PLXNA2: variants seen among roughly 807,000 people sequenced by gnomAD.
PLXNA2 encodes the protein plexin A2.
PLXNA2 carries 91 observed loss-of-function variants against 193.5 expected under a neutral mutation model. That is an observed-to-expected ratio of 0.47 (90% CI 0.40 to 0.56). The LOEUF (loss-of-function observed/expected upper bound fraction) is 0.56. Ranked by LOEUF, PLXNA2 falls within the 20% of genes least tolerant of loss-of-function variation. PLXNA2 has a pLI of 0.00. For synonymous variants in PLXNA2, 997 were observed against 1,027.3 expected (o/e 0.97, Z 0.56); for missense variants, 1,995 against 2,503.2 (o/e 0.80, Z 4.33).
At chr1:208,187,404 G>A (rs1399474322) in intron 3 of PLXNA2, among the ~76,000 whole-genome samples, 1 of 152,194 alleles carries the variant, frequency 6.6e-6, no homozygotes, top group Non-Finnish European at 1.5e-5. Flanking sequence ...CTGTGTGTGT[G>A]AGAGAGACCG....
intron 3 of PLXNA2, among the ~76,000 whole-genome samples, chr1:208,199,864 C>A (rs923011496): frequency 6.6e-6 from 1 of 152,160 alleles, no homozygotes; most frequent in South Asian, 2.1e-4. Context: ...TAGAACAATA[C>A]GCATCTTACT....
At chr1:208,154,880 G>A (rs1438100946) in intron 3 of PLXNA2, among the ~76,000 whole-genome samples, 3 of 152,332 alleles carry the variant, frequency 2.0e-5, no homozygotes, top group African/African-American at 7.2e-5. Flanking sequence ...GGCAGCGGCG[G>A]GAACAAATGA....
In PLXNA2 at chr1:208,025,961, T is replaced by C. The variant is rs761387245; in HGVS notation, c.*1282A>G. 4.3e-4 allele frequency: 65 copies of C among 152,634 alleles called. No individual in the cohort carries two copies. Among genetic ancestry groups the C allele is most frequent in the Admixed American group, 3.2e-3 (49 of 15,276 alleles). 9.5% of individuals were successfully genotyped at this position (152,634 alleles called of 1,614,324 possible). ...AGGCCCAGATGGTCAGGAGCTTCCGTATATGAGCGAAGGGTGGTCTCCCCT... is the reference window on the plus strand; with the variant it reads ...AGGCCCAGATGGTCAGGAGCTTCCGCATATGAGCGAAGGGTGGTCTCCCCT... On this transcript the variant is annotated 3_prime_UTR_variant, in exon 32 of 32. Coordinates refer to ENST00000367033, the MANE Select transcript of PLXNA2 (RefSeq NM_025179.4).
chr1:208,087,489 A>G (rs934366344), intron 9 of PLXNA2, among the ~76,000 whole-genome samples: 20 of 152,052 alleles, frequency 1.3e-4, no homozygotes, highest in African/African-American at 4.4e-4. Flanking sequence ...AAGGGTAACA[A>G]TTAGGGTCTT....
At chr1:208,052,255 A>G (rs1665287814) in intron 15 of PLXNA2, 72 bp downstream of exon 15, 2 of 1,492,706 alleles carry the variant, frequency 1.3e-6, no homozygotes, top group Admixed American at 1.7e-5. Flanking sequence ...ATGAATGAAC[A>G]TGCACAGTAA....
chr1:208,166,337 G>C (rs186629499), intron 3 of PLXNA2, among the ~76,000 whole-genome samples: 17 of 152,334 alleles, frequency 1.1e-4, no homozygotes, highest in Admixed American at 9.1e-4. Context: ...GGTCTGCATT[G>C]CTGGAACCCT....
intron 1 of PLXNA2, among the ~76,000 whole-genome samples, chr1:208,225,611 C>T (rs560436688): frequency 6.6e-6 from 1 of 152,334 alleles, no homozygotes; most frequent in South Asian, 2.1e-4. Flanking sequence ...TGGCACCCGT[C>T]CCTGAGACAG....
chr1:208,036,778 A>G (rs1315165386), intron 26 of PLXNA2, among the ~76,000 whole-genome samples: 1 of 152,234 alleles, frequency 6.6e-6, no homozygotes, highest in African/African-American at 2.4e-5. Context: ...AAATGACATC[A>G]GGGAATTGAA....
intron 17 of PLXNA2, among the ~76,000 whole-genome samples, chr1:208,047,753 G>T (rs746446865): frequency 1.3e-5 from 2 of 152,150 alleles, no homozygotes; most frequent in Non-Finnish European, 1.5e-5. Context: ...GTGTGAAATT[G>T]CAAAAAAAGC....
intron 3 of PLXNA2, among the ~76,000 whole-genome samples, chr1:208,188,970 A>G (rs1483929639): frequency 6.6e-6 from 1 of 152,192 alleles, no homozygotes; most frequent in African/African-American, 2.4e-5. Flanking sequence ...AAAAGGGATA[A>G]GCCACCTTAG....
chr1:208,097,028 G>C, intron 6 of PLXNA2, 145 bp from the exon 7 acceptor site: 1 of 635,218 alleles, frequency 1.6e-6, no homozygotes. Flanking sequence ...TGGTCTTCCA[G>C]CTTTGAACAC....
chr1:208,235,450 G>A (rs1376951236), intron 1 of PLXNA2, among the ~76,000 whole-genome samples: 1 of 152,136 alleles, frequency 6.6e-6, no homozygotes, highest in Non-Finnish European at 1.5e-5. Flanking sequence ...CTCTTCCCGG[G>A]CCTGGCTCCA....
chr1:208,227,352 G>T (rs1671545003), intron 1 of PLXNA2, among the ~76,000 whole-genome samples: 1 of 152,174 alleles, frequency 6.6e-6, no homozygotes, highest in South Asian at 2.1e-4. Flanking sequence ...CTTGCAAGGT[G>T]AGCATGACTA....
At chr1:208,066,193 C>G (rs1665790525) in intron 12 of PLXNA2, among the ~76,000 whole-genome samples, 1 of 152,204 alleles carries the variant, frequency 6.6e-6, no homozygotes, top group Admixed American at 6.5e-5. Context: ...AGAAGTCTAT[C>G]TGAATTCTCC....
intron 12 of PLXNA2, 33 bp downstream of exon 12, chr1:208,079,227 C>A: frequency 1.9e-6 from 3 of 1,572,474 alleles, no homozygotes; most frequent in South Asian, 1.1e-5. Flanking sequence ...CTCTTGGCCA[C>A]CCCTTCCTGC....
rs1666261424 is a variant in PLXNA2 at position 208,079,429 on chromosome 1, G to T, written c.2417C>A (p.Ala806Asp). Residue 806 changes from alanine (A) to aspartate (D), a missense_variant, in exon 12 of 32, where the codon GCC becomes GAC. Transcript: ENST00000367033. The part of the protein sequence containing the change: ...DLKVHLYKCA[A>D]QRESCGLCLK... ...GCAGAGGCCGCAGCTCTCCCGCTGG[G>T]CTGCACACTTGTAGAGATGGACTGC... 6.2e-7 allele frequency: 1 copy of T among 1,605,370 alleles called. No individual in the cohort carries two copies. Among genetic ancestry groups the T allele is most frequent in the Non-Finnish European group, 8.5e-7 (1 of 1,175,290 alleles).
At chr1:208,219,747 TC>T (rs1558252052) in intron 1 of PLXNA2, among the ~76,000 whole-genome samples, 1 of 152,000 alleles carries the variant, frequency 6.6e-6, no homozygotes, top group Admixed American at 6.6e-5. Context: ...CCAACCCGAC[TC>T]CCCCAGGGTG....
At chr1:208,051,136 A>T in intron 16 of PLXNA2, 34 bp from the exon 17 acceptor site, 2 of 1,601,834 alleles carry the variant, frequency 1.2e-6, no homozygotes, top group South Asian at 1.1e-5. Context: ...TAGGTAAAAA[A>T]CCCCCTCAAA....
At position 208,038,915 on chromosome 1, in the gene PLXNA2, T is replaced by C. The variant is rs1355384472; in HGVS notation, c.4570A>G (p.Thr1524Ala). The C allele has an allele frequency of 6.2e-7, 1 of 1,614,028 alleles. No homozygotes were observed. Among genetic ancestry groups the C allele is most frequent in the African/African-American group, 1.3e-5 (1 of 75,042 alleles). The part of the protein sequence containing the change: ...EIPVKVLNCD[T>A]ITQVKEKILD... ...ATCTTCTCCTTGACCTGTGTGATGG[T>C]GTCACAGTTTAACACCTTCACTGGG... is the stretch of plus-strand genomic sequence containing the variant. Residue 1524 changes from threonine to alanine, a missense_variant, in exon 25 of 32, where the codon ACC (threonine) becomes GCC (alanine). Thr to Ala is a moderately conservative substitution (Grantham distance 58, BLOSUM62 0). Transcript: ENST00000367033. This position sits in a 1 kb window ranked among gnomAD's most constrained non-coding sequence, Gnocchi z 4.1.
Sources: gnomAD v4.1 joint callset for allele counts (sites outside exome capture counted in the v4.1 genomes callset) on GRCh38, gnomAD v4.1.1 for gene constraint, Gnocchi (gnomAD v3.1) non-coding constraint, MANE v1.5 for transcripts, NCBI Gene and HGNC (gene_info 2026-07-23, HGNC 2026-07-21) for gene names.